Variants in IGSF3 observed in about 807,000 individuals in gnomAD.
IGSF3 encodes the protein immunoglobulin superfamily member 3, also known as glu-Trp-Ile EWI motif-containing protein 3.
A neutral mutation model predicts 114.4 loss-of-function variants in IGSF3; 23 were observed. That is an observed-to-expected ratio of 0.20 (90% CI 0.14 to 0.28). IGSF3 has a LOEUF of 0.28. Ranked by LOEUF, IGSF3 falls within the 10% of genes least tolerant of loss-of-function variation. The pLI, the probability that IGSF3 is intolerant of heterozygous loss-of-function variation, is 1.00. For synonymous variants in IGSF3, 571 were observed against 645.2 expected (o/e 0.88, Z 1.74); for missense variants, 1,172 against 1,591.5 (o/e 0.74, Z 4.48).
At position 116,633,972 on chromosome 1, in the gene IGSF3, C is replaced by A. The variant is rs1376746283; in HGVS notation, c.44-17515G>T. ...TGCTATGGAAGGGCCTCTATGCCAT[C>A]GAGGCTAAAACCAAAGCAGGAGCAA... is the stretch of plus-strand genomic sequence containing the variant. On this transcript the variant is annotated intron_variant, in intron 2 of 10. Transcript: ENST00000369486. This position sits in a 1 kb window ranked among gnomAD's most constrained non-coding sequence, Gnocchi z 4.3. Among the ~76,000 whole-genome samples, 1 of 152,108 alleles carries A rather than the reference C, an allele frequency of 6.6e-6. No individual in the cohort carries two copies. The highest frequency in any genetic ancestry group is 1.5e-5 in the Non-Finnish European group (1 of 68,030).
intron 4 of IGSF3, 139 bp from the exon 5 acceptor site, chr1:116,608,470 G>C (rs1179280018): frequency 1.5e-6 from 1 of 686,886 alleles, no homozygotes; most frequent in Non-Finnish European, 2.4e-6. Flanking sequence ...CTTAGCTTGA[G>C]AGTAAAATCC....
Position 116,665,902 on chromosome 1 carries a change from C to A in IGSF3, c.43+382G>T, listed in dbSNP as rs773250310. On this transcript the variant is annotated intron_variant, in intron 2 of 10. Coordinates refer to ENST00000369486, the MANE Select transcript of IGSF3 (RefSeq NM_001007237.3). The surrounding 1 kb of genome is among the most constrained non-coding windows in gnomAD (Gnocchi z 4.0). ...GACAGAGGGGAATGATGTTCCCACT[C>A]CCAATTAGGAATCAATGCAGCCCAA... is the stretch of plus-strand genomic sequence containing the variant. Among the ~76,000 whole-genome samples the A allele has an allele frequency of 6.6e-6, 1 of 152,166 alleles. No individual in the cohort carries two copies. The highest frequency in any genetic ancestry group is 2.1e-4 in the South Asian group (1 of 4,816).
rs1418845984 is a variant in IGSF3 at position 116,579,242 on chromosome 1, T to C, written c.3334+150A>G. 4.0e-6 allele frequency: 4 copies of C among 996,810 alleles called. No individual in the cohort carries two copies. Among genetic ancestry groups the C allele is most frequent in the East Asian group, 2.5e-5 (1 of 39,728 alleles). 61.7% of individuals were successfully genotyped at this position (996,810 alleles called of 1,614,324 possible). A position where few individuals can be genotyped will look rare whatever the true frequency, so the allele number is the denominator to read the frequency against. ...CAAGGGTCAATTATATGAACTAATA[T>C]GTCCAATCCCACCATATCTCAAATC... On this transcript the variant is annotated intron_variant, in intron 10 of 10. Transcript: ENST00000369486. This position sits in a 1 kb window ranked among gnomAD's most constrained non-coding sequence, Gnocchi z 6.4.
At position 116,616,734 on chromosome 1, in the gene IGSF3, C is replaced by T. The variant is rs1345318224; in HGVS notation, c.44-277G>A. On this transcript the variant is annotated intron_variant, in intron 2 of 10. Transcript: ENST00000369486. The surrounding 1 kb of genome is among the most constrained non-coding windows in gnomAD (Gnocchi z 6.6). ...TGACCCTTGGGAATTTCATTTAGCCCCTCTGTTTGTCATTTATATGGCAGT... is the reference window on the plus strand; with the variant it reads ...TGACCCTTGGGAATTTCATTTAGCCTCTCTGTTTGTCATTTATATGGCAGT... Among the ~76,000 whole-genome samples, 1 of 152,114 alleles carries T rather than the reference C, an allele frequency of 6.6e-6. No homozygotes were observed. Among genetic ancestry groups the T allele is most frequent in the Non-Finnish European group, 1.5e-5 (1 of 68,028 alleles).
At position 116,666,577 on chromosome 1, in the gene IGSF3, C is replaced by T. The variant is rs1209198427; in HGVS notation, c.-251G>A. On this transcript the variant is annotated 5_prime_UTR_variant, in exon 2 of 11. Coordinates refer to ENST00000369486, the MANE Select transcript of IGSF3 (RefSeq NM_001007237.3). ...ACAACAATTCGGAAGTCGCTCCCGG[C>T]TCCTGCCACATCGTGTGCCTTGCAG... is the stretch of plus-strand genomic sequence containing the variant. 1 of 600,042 alleles carries T rather than the reference C, an allele frequency of 1.7e-6. No homozygotes were observed. The highest frequency in any genetic ancestry group is 2.7e-5 in the East Asian group (1 of 36,378). The allele number at this position is 600,042 out of a possible 1,614,324, so 37.2% of individuals were successfully genotyped here.
At position 116,577,143 on chromosome 1, in the gene IGSF3, C is replaced by T. The variant is rs1426842745; in HGVS notation, c.*169G>A. On this transcript the variant is annotated 3_prime_UTR_variant, in exon 11 of 11. Coordinates refer to ENST00000369486, the MANE Select transcript of IGSF3 (RefSeq NM_001007237.3). The surrounding 1 kb of genome is among the most constrained non-coding windows in gnomAD (Gnocchi z 5.7). ...ATAGCTAACCAACCAAGACTGCCAC[C>T]GAGAGGCAGTCTGTCTCTGTGACTG... The T allele has an allele frequency of 3.4e-5, 23 of 667,364 alleles. No individual in the cohort carries two copies. Among genetic ancestry groups the T allele is most frequent in the East Asian group, 2.8e-5 (1 of 36,270 alleles). 41.3% of individuals were successfully genotyped at this position (667,364 alleles called of 1,614,324 possible).
intron 4 of IGSF3, among the ~76,000 whole-genome samples, chr1:116,613,243 T>A (rs1271950332): frequency 6.6e-6 from 1 of 152,160 alleles, no homozygotes; most frequent in Non-Finnish European, 1.5e-5. Flanking sequence ...AATTAAAAAA[T>A]ATCACCAAAG....
rs1269794967 is a variant in IGSF3 at position 116,608,264 on chromosome 1, G to C, written c.900C>G (p.Phe300Leu). The change falls in exon 5 of 11, where the codon TTC becomes TTG. Residue 300 changes from phenylalanine to leucine, a missense_variant. Physicochemically the swap from Phe to Leu is conservative, Grantham distance 22. Around this residue, in one of 3 missense-constraint regions of IGSF3, gnomAD observed 736 missense variants for 1,042.0 expected, o/e 0.71. Coordinates refer to ENST00000369486, the MANE Select transcript of IGSF3 (RefSeq NM_001007237.3). ...CATTCTGAGCCTCCAGGATGCATCT[G>C]AACTCCACCGGCTCGCCCACCGTGT... ...RLHTVGEPVE[F>L]RCILEAQNVP... 2 of 1,612,752 alleles carry C rather than the reference G, an allele frequency of 1.2e-6. No individual in the cohort carries two copies. Among genetic ancestry groups the C allele is most frequent in the Non-Finnish European group, 1.7e-6 (2 of 1,178,962 alleles).
rs534152116 is a variant in IGSF3, at chr1:116,574,867, T to G, written c.*2445A>C. On this transcript the variant is annotated 3_prime_UTR_variant, in exon 11 of 11. Transcript: ENST00000369486. The surrounding 1 kb of genome is among the most constrained non-coding windows in gnomAD (Gnocchi z 5.2). ...TGGCCAAAGAAAGAAGGTCCTGGGG[T>G]TTTTCATAGAAAGCTCAAAAAGTTC... 6.6e-6 allele frequency: 1 copy of G among 152,176 alleles called. No individual in the cohort carries two copies. The highest frequency in any genetic ancestry group is 2.4e-5 in the African/African-American group (1 of 41,344). 9.4% of individuals were successfully genotyped at this position (152,176 alleles called of 1,614,324 possible). A position where few individuals can be genotyped will look rare whatever the true frequency, so the allele number is the denominator to read the frequency against.
chr1:116,646,550 CAGA>C (rs1295218021), intron 2 of IGSF3, among the ~76,000 whole-genome samples: 1 of 152,146 alleles, frequency 6.6e-6, no homozygotes, highest in Non-Finnish European at 1.5e-5. Context: ...ATTGAGAAGG[CAGA>C]AGATGGCGTT....
chr1:116,629,911 A>G lies in IGSF3; in HGVS notation c.44-13454T>C, dbSNP rs940875054. ...AATTGGATGCCTTCATGAGGCATTA[A>G]CAGAGACTGTGAGCCCTGATGAAAA... On this transcript the variant is annotated intron_variant, in intron 2 of 10. Transcript: ENST00000369486. The surrounding 1 kb of genome is among the most constrained non-coding windows in gnomAD (Gnocchi z 4.3). Among the ~76,000 whole-genome samples, 2 of 152,164 alleles carry G rather than the reference A, an allele frequency of 1.3e-5. No homozygotes were observed. The highest frequency in any genetic ancestry group is 2.9e-5 in the Non-Finnish European group (2 of 68,034).
rs575557988 is a variant in IGSF3 at position 116,661,154 on chromosome 1, G to A, written c.43+5130C>T. On this transcript the variant is annotated intron_variant, in intron 2 of 10. Coordinates refer to ENST00000369486, the MANE Select transcript of IGSF3 (RefSeq NM_001007237.3). The surrounding 1 kb of genome is among the most constrained non-coding windows in gnomAD (Gnocchi z 4.0). Reference sequence around the variant, plus strand: ...AAAAATACAAAAAAATTAGCCGGGTGTGGTGGTGTGTGCCTGTAATCCCAG... The same window carrying A: ...AAAAATACAAAAAAATTAGCCGGGTATGGTGGTGTGTGCCTGTAATCCCAG... Among the ~76,000 whole-genome samples the A allele has an allele frequency of 6.6e-6, 1 of 152,310 alleles. No individual in the cohort carries two copies. Among genetic ancestry groups the A allele is most frequent in the Admixed American group, 6.5e-5 (1 of 15,294 alleles).
At chr1:116,622,280 A>C (rs1661448215) in intron 2 of IGSF3, among the ~76,000 whole-genome samples, 1 of 152,218 alleles carries the variant, frequency 6.6e-6, no homozygotes, top group Admixed American at 6.5e-5. Flanking sequence ...GCAAACTCAC[A>C]GGAGACCCTA....
intron 2 of IGSF3, among the ~76,000 whole-genome samples, chr1:116,621,251 C>T (rs1661407320): frequency 6.6e-6 from 1 of 152,160 alleles, no homozygotes; most frequent in African/African-American, 2.4e-5. Context: ...GCATTATGCT[C>T]CCTGAACAGC....
rs987020936 is a variant in IGSF3 at position 116,638,173 on chromosome 1, A to G, written c.44-21716T>C. On this transcript the variant is annotated intron_variant, in intron 2 of 10. Transcript: ENST00000369486. The surrounding 1 kb of genome is among the most constrained non-coding windows in gnomAD (Gnocchi z 4.1). ...GTTTCCTGCAGTCTAACTAGCTACA[A>G]ATCTCAAAGCCAAAGATTGTAGCTC... Among the ~76,000 whole-genome samples the G allele has an allele frequency of 6.6e-6, 1 of 152,124 alleles. No homozygotes were observed. The highest frequency in any genetic ancestry group is 2.4e-5 in the African/African-American group (1 of 41,420).
At position 116,607,149 on chromosome 1, in the gene IGSF3, G is replaced by A. The variant is rs1407084085; in HGVS notation, c.1222+793C>T. 6.6e-6 allele frequency among the ~76,000 whole-genome samples: 1 copy of A among 152,208 alleles called. No individual in the cohort carries two copies. Among genetic ancestry groups the A allele is most frequent in the Admixed American group, 6.5e-5 (1 of 15,288 alleles). On this transcript the variant is annotated intron_variant, in intron 5 of 10. Transcript: ENST00000369486. This position sits in a 1 kb window ranked among gnomAD's most constrained non-coding sequence, Gnocchi z 6.1. ...ACTTTACCACTTGTTTAAAATCAGA[G>A]CATTATAGGTTTTTATTCTCTTTAC...
rs1464901394 is a variant in IGSF3 at position 116,628,702 on chromosome 1, G to A, written c.44-12245C>T. Among the ~76,000 whole-genome samples, 1 of 152,200 alleles carries A rather than the reference G, an allele frequency of 6.6e-6. No homozygotes were observed. The highest frequency in any genetic ancestry group is 2.4e-5 in the African/African-American group (1 of 41,440). On this transcript the variant is annotated intron_variant, in intron 2 of 10. Transcript: ENST00000369486. The surrounding 1 kb of genome is among the most constrained non-coding windows in gnomAD (Gnocchi z 4.2). ...CTTCTGGGGGTTTTCCCAAGCACGT[G>A]TTACGTATGATAATAATGGATGGCC... is the stretch of plus-strand genomic sequence containing the variant.
chr1:116,579,467 G>T lies in IGSF3; in HGVS notation c.3259C>A (p.Pro1087Thr). The T allele has an allele frequency of 3.7e-6, 6 of 1,612,998 alleles. No individual in the cohort carries two copies. Among genetic ancestry groups the T allele is most frequent in the Non-Finnish European group, 5.1e-6 (6 of 1,179,636 alleles). Residue 1087 changes from proline (P) to threonine (T), a missense_variant, in exon 10 of 11, where the codon CCC becomes ACC. Pro to Thr is a conservative substitution (Grantham distance 38, BLOSUM62 -1). Around this residue, in one of 3 missense-constraint regions of IGSF3, gnomAD observed 423 missense variants for 509.8 expected, o/e 0.83. Coordinates refer to ENST00000369486, the MANE Select transcript of IGSF3 (RefSeq NM_001007237.3). The surrounding 1 kb of genome is among the most constrained non-coding windows in gnomAD (Gnocchi z 6.4). ...NYSCHVEEWL[P>T]SPQKEWYRLT... ...CGGTACCATTCCTTCTGAGGGCTGG[G>T]CAGCCACTCCTCCACATGGCAGGAG...
rs1227042822 is a variant in IGSF3 at position 116,593,276 on chromosome 1, G to C, written c.2030-4172C>G. The stretch of plus-strand genomic sequence containing the variant: ...TTGATTCTGATGCACATTCAAGTTT[G>C]AGAAGCAACAGCCGTGCTGCTGAGG... On this transcript the variant is annotated intron_variant, in intron 7 of 10. Transcript: ENST00000369486. The surrounding 1 kb of genome is among the most constrained non-coding windows in gnomAD (Gnocchi z 4.5). Among the ~76,000 whole-genome samples the C allele has an allele frequency of 1.3e-5, 2 of 152,226 alleles. No homozygotes were observed. The highest frequency in any genetic ancestry group is 2.9e-5 in the Non-Finnish European group (2 of 68,042).
Sources: gnomAD v4.1 joint callset for allele counts (sites outside exome capture counted in the v4.1 genomes callset) on GRCh38, gnomAD v4.1.1 for gene constraint, gnomAD v4.1.1 regional missense constraint, Gnocchi (gnomAD v3.1) non-coding constraint, MANE v1.5 for transcripts, NCBI Gene and HGNC (gene_info 2026-07-23, HGNC 2026-07-21) for gene names.